SGCD: variants seen among roughly 807,000 people sequenced by gnomAD.
The protein encoded by SGCD is delta-sarcoglycan.
A neutral mutation model predicts 36.6 loss-of-function variants in SGCD; 18 were observed. That is an observed-to-expected ratio of 0.49 (90% CI 0.34 to 0.73). The LOEUF is 0.73. Ranked by LOEUF, SGCD falls within the 30% of genes least tolerant of loss-of-function variation. SGCD has a pLI of 0.01. For missense variants in SGCD, 387 were observed against 346.7 expected, an observed-to-expected ratio of 1.12 and a Z score of -0.92; for synonymous variants, 133 against 130.6, an observed-to-expected ratio of 1.02 and a Z score of -0.12.
the SGCD span, among the ~76,000 whole-genome samples, chr5:155,772,358 T>C: frequency 6.6e-6 from 1 of 152,312 alleles, no homozygotes; most frequent in East Asian, 1.9e-4. Flanking sequence ...AGTGCTTTCA[T>C]CTTCACAAAA....
intron 6 of SGCD, among the ~76,000 whole-genome samples, chr5:156,626,484 G>A (rs1371363310): frequency 6.6e-6 from 1 of 152,176 alleles, no homozygotes; most frequent in Admixed American, 6.5e-5. Flanking sequence ...AAGCTCTTTG[G>A]AGTGGGGAAG....
intron 1 of SGCD, among the ~76,000 whole-genome samples, chr5:156,002,088 C>G (rs1016985066): frequency 6.6e-6 from 1 of 152,196 alleles, no homozygotes; most frequent in South Asian, 2.1e-4. Flanking sequence ...ATTCATATGT[C>G]GACTCCAACC....
chr5:155,887,111 G>A (rs1050880113), intron 1 of SGCD, among the ~76,000 whole-genome samples: 1 of 152,142 alleles, frequency 6.6e-6, no homozygotes, highest in Non-Finnish European at 1.5e-5. Context: ...TACATTGGGG[G>A]CGAAAATATC....
At chr5:155,896,970 T>G (rs911823043) in intron 1 of SGCD, among the ~76,000 whole-genome samples, 67 of 152,238 alleles carry the variant, frequency 4.4e-4, no homozygotes, top group African/African-American at 1.6e-3. Flanking sequence ...GCAAAACCAC[T>G]TATTGGCATT....
At chr5:156,673,515 A>G (rs1753389208) in intron 7 of SGCD, among the ~76,000 whole-genome samples, 1 of 152,098 alleles carries the variant, frequency 6.6e-6, no homozygotes, top group Admixed American at 6.6e-5. Flanking sequence ...CCTATTCACA[A>G]CGGAAGATGA....
chr5:156,069,754 A>G (rs547076245), intron 1 of SGCD, among the ~76,000 whole-genome samples: 6,251 of 141,408 alleles, frequency 0.044, 507 homozygotes, highest in African/African-American at 0.16. Context: ...TCCTACCCAT[A>G]AGCATGGAAT....
At position 156,714,985 on chromosome 5, in the gene SGCD, G is replaced by A. The variant is rs1271466964; in HGVS notation, c.576-42596G>A. On this transcript the variant is annotated intron_variant, in intron 7 of 8. Transcript: ENST00000337851. ...AAGCACTGTTCTACCGTTGACTGGAGAAACAGAGATTGTATTTCTTTAGTT... is the reference window on the plus strand; with the variant it reads ...AAGCACTGTTCTACCGTTGACTGGAAAAACAGAGATTGTATTTCTTTAGTT... 3.3e-5 allele frequency among the ~76,000 whole-genome samples: 5 copies of A among 152,130 alleles called. No individual in the cohort carries two copies. In the East Asian group the frequency reaches 7.7e-4, roughly 23 times the overall value.
At chr5:155,996,135 A>C (rs970974330) in intron 1 of SGCD, among the ~76,000 whole-genome samples, 4 of 151,526 alleles carry the variant, frequency 2.6e-5, no homozygotes, top group African/African-American at 9.7e-5. Context: ...CATTTGTCTT[A>C]GGTTCAGGGT....
chr5:156,258,060 G>T (rs1422309799), intron 3 of SGCD, among the ~76,000 whole-genome samples: 1 of 151,974 alleles, frequency 6.6e-6, no homozygotes, highest in Admixed American at 6.6e-5. Context: ...CTGTTATTCA[G>T]TCTTACATAT....
intron 3 of SGCD, among the ~76,000 whole-genome samples, chr5:156,401,729 G>A (rs1214674801): frequency 6.6e-6 from 1 of 151,280 alleles, no homozygotes; most frequent in Admixed American, 6.6e-5. Context: ...ATACACATAG[G>A]AAATAAGTAG....
At chr5:156,732,685 C>T (rs1756141422) in intron 7 of SGCD, among the ~76,000 whole-genome samples, 1 of 152,112 alleles carries the variant, frequency 6.6e-6, no homozygotes, top group Non-Finnish European at 1.5e-5. Context: ...CTTCTTCATA[C>T]ATTTGGTAGA....
intron 3 of SGCD, among the ~76,000 whole-genome samples, chr5:156,308,157 C>G (rs556680252): frequency 3.3e-5 from 5 of 152,124 alleles, no homozygotes; most frequent in African/African-American, 1.2e-4. Context: ...TAATTCAAAA[C>G]GAAAAGAGGT....
rs70984404 is a variant in SGCD at position 156,333,783 on chromosome 5, A to ATTTTTTTTTTTTTTTTTTTTTTTTTT, written c.3+4216_3+4241dup. 8.5e-4 allele frequency among the ~76,000 whole-genome samples: 17 copies of ATTTTTTTTTTTTTTTTTTTTTTTTTT among 19,966 alleles called. 5 individuals carry two copies. The highest frequency in any genetic ancestry group is 1.5e-3 in the Admixed American group (2 of 1,310). The allele number at this position is 19,966 out of a possible 152,430, so 13.1% of individuals were successfully genotyped here. On this transcript the variant is annotated intron_variant, in intron 2 of 8. Transcript: ENST00000337851. ...GTGCTTTCTTTATGTTAGAAAAGTG[A>ATTTTTTTTTTTTTTTTTTTTTTTTTT]TTTTTTTTTTTTTTTTTTTTTTTTT... is the stretch of plus-strand genomic sequence containing the variant.
intron 3 of SGCD, among the ~76,000 whole-genome samples, chr5:156,409,619 A>G (rs1474451688): frequency 6.6e-6 from 1 of 152,208 alleles, no homozygotes; most frequent in Non-Finnish European, 1.5e-5. Flanking sequence ...CAGCCTCAGA[A>G]TAATTGTGTG....
At chr5:156,338,878 C>A (rs944621574) in intron 2 of SGCD, among the ~76,000 whole-genome samples, 26 of 152,088 alleles carry the variant, frequency 1.7e-4, no homozygotes, top group Non-Finnish European at 3.7e-4. Context: ...AAGTCCAAGT[C>A]CAAGTCGATC....
chr5:156,389,980 A>G (rs1472041958), intron 3 of SGCD, among the ~76,000 whole-genome samples: 2 of 152,124 alleles, frequency 1.3e-5, no homozygotes, highest in Non-Finnish European at 2.9e-5. Context: ...GAGCTGAAAA[A>G]TTTCTATAGC....
At chr5:155,870,685 C>A (rs1755614155) in intron 1 of SGCD, among the ~76,000 whole-genome samples, 1 of 152,130 alleles carries the variant, frequency 6.6e-6, no homozygotes, top group Non-Finnish European at 1.5e-5. Context: ...CTTTAGACTC[C>A]TCTTCTACCT....
chr5:156,230,371 A>G (rs1280152772), intron 3 of SGCD, among the ~76,000 whole-genome samples: 1 of 152,090 alleles, frequency 6.6e-6, no homozygotes, highest in Non-Finnish European at 1.5e-5. Flanking sequence ...CCCGCGGGGT[A>G]TTCCCTCAAT....
chr5:156,560,879 A>G (rs558516763), intron 4 of SGCD, among the ~76,000 whole-genome samples: 1 of 152,172 alleles, frequency 6.6e-6, no homozygotes, highest in African/African-American at 2.4e-5. Flanking sequence ...CAAAAGACAG[A>G]TGTGGGATGA....
Sources: gnomAD v4.1 joint callset for allele counts (sites outside exome capture counted in the v4.1 genomes callset) on GRCh38, gnomAD v4.1.1 for gene constraint, MANE v1.5 for transcripts, NCBI Gene and HGNC (gene_info 2026-07-23, HGNC 2026-07-21) for gene names.